Variants in GRB10 observed in about 807,000 individuals in gnomAD.
GRB10 encodes the protein growth factor receptor bound protein 10.
In GRB10, 20 loss-of-function variants were observed where a neutral mutation model predicts 80.9. The observed-to-expected ratio is 0.25, with a 90% CI of 0.17 to 0.36. GRB10 has a LOEUF of 0.36. Among genes scored for constraint, GRB10 ranks in the 10% least tolerant of loss-of-function variants. The pLI, the probability that GRB10 is intolerant of heterozygous loss-of-function variation, is 1.00. For missense variants in GRB10, 548 were observed against 747.7 expected, an observed-to-expected ratio of 0.73 and a Z score of 3.12; for synonymous variants, 291 against 291.5, an observed-to-expected ratio of 1.00 and a Z score of 0.02.
intron 2 of GRB10, among the ~76,000 whole-genome samples, chr7:50,772,268 C>T (rs536865880): frequency 1.3e-5 from 2 of 152,226 alleles, no homozygotes; most frequent in East Asian, 3.8e-4. Context: ...GAAAGGTGAA[C>T]TGACGCCACA....
intron 7 of GRB10, among the ~76,000 whole-genome samples, chr7:50,659,272 C>T (rs982442809): frequency 6.6e-6 from 1 of 152,118 alleles, no homozygotes; most frequent in Non-Finnish European, 1.5e-5. Context: ...GGCTTTTTCC[C>T]CCTCAGGACA....
chr7:50,604,870 AG>A (rs1378241796), intron 15 of GRB10: 1 of 290,586 alleles, frequency 3.4e-6, no homozygotes, highest in East Asian at 8.9e-5. Flanking sequence ...CTGGAGATTA[AG>A]AACCTAAGCC....
At chr7:50,686,940 T>C (rs1408364002) in intron 5 of GRB10, among the ~76,000 whole-genome samples, 2 of 152,244 alleles carry the variant, frequency 1.3e-5, no homozygotes, top group Non-Finnish European at 2.9e-5. Flanking sequence ...TTTATTTAGA[T>C]ACCTTCCTTT....
At chr7:50,730,983 G>A (rs1289225938) in intron 4 of GRB10, among the ~76,000 whole-genome samples, 2 of 152,168 alleles carry the variant, frequency 1.3e-5, no homozygotes, top group African/African-American at 2.4e-5. Context: ...GTCGGGCCCG[G>A]ACAACTAGCT....
chr7:50,640,750 A>C (rs971395598), intron 7 of GRB10, among the ~76,000 whole-genome samples: 1 of 152,220 alleles, frequency 6.6e-6, no homozygotes, highest in African/African-American at 2.4e-5. Context: ...GACCTCATCC[A>C]TGATATCCAG....
chr7:50,656,271 A>G (rs2058636889), intron 7 of GRB10, among the ~76,000 whole-genome samples: 1 of 152,190 alleles, frequency 6.6e-6, no homozygotes, highest in Admixed American at 6.5e-5. Flanking sequence ...CTTGCTTGCT[A>G]TCGGTCACTC....
At chr7:50,656,449 A>G (rs906586034) in intron 7 of GRB10, among the ~76,000 whole-genome samples, 5 of 152,252 alleles carry the variant, frequency 3.3e-5, no homozygotes, top group Non-Finnish European at 5.9e-5. Flanking sequence ...GTGACTATGC[A>G]GTAGCCTATG....
chr7:50,739,057 C>T (rs7782797), intron 3 of GRB10, among the ~76,000 whole-genome samples: 1 of 151,962 alleles, frequency 6.6e-6, no homozygotes, highest in Non-Finnish European at 1.5e-5. Flanking sequence ...TCAGAAAAAT[C>T]GTTCAAGCAG....
intron 4 of GRB10, among the ~76,000 whole-genome samples, chr7:50,709,200 G>A (rs1052570723): frequency 1.3e-5 from 2 of 152,188 alleles, no homozygotes; most frequent in African/African-American, 2.4e-5. Context: ...AGATGAACAC[G>A]AGAAGCCCTC....
At chr7:50,699,996 G>A (rs186437308) in intron 5 of GRB10, among the ~76,000 whole-genome samples, 35 of 152,002 alleles carry the variant, frequency 2.3e-4, no homozygotes, top group Admixed American at 1.2e-3. Flanking sequence ...AAAATTAGCC[G>A]GGCGTGGTGG....
chr7:50,643,290 C>T (rs2056619054), intron 7 of GRB10, among the ~76,000 whole-genome samples: 1 of 152,130 alleles, frequency 6.6e-6, no homozygotes, highest in South Asian at 2.1e-4. Flanking sequence ...ACAGACAACA[C>T]CCTAATCAAG....
At chr7:50,741,575 A>AC (rs2071756558) in intron 3 of GRB10, among the ~76,000 whole-genome samples, 1 of 151,444 alleles carries the variant, frequency 6.6e-6, no homozygotes, top group Non-Finnish European at 1.5e-5. Flanking sequence ...AAAAAAAAAA[A>AC]CGAAGGCACT....
At chr7:50,656,337 G>A (rs554360222) in intron 7 of GRB10, among the ~76,000 whole-genome samples, 8 of 152,276 alleles carry the variant, frequency 5.3e-5, no homozygotes, top group African/African-American at 1.4e-4. Flanking sequence ...GGGAGGCAGC[G>A]GCAGTGAGCT....
intron 5 of GRB10, among the ~76,000 whole-genome samples, chr7:50,692,932 A>T (rs995352550): frequency 9.2e-5 from 14 of 152,178 alleles, no homozygotes; most frequent in African/African-American, 3.4e-4. Context: ...TGGGCAAGTT[A>T]TCAAACCTCT....
intron 4 of GRB10, among the ~76,000 whole-genome samples, chr7:50,718,596 C>A (rs1055247398): frequency 2.0e-5 from 3 of 152,128 alleles, no homozygotes; most frequent in African/African-American, 7.2e-5. Context: ...GGTCTTAAAC[C>A]CGCACTCTAC....
intron 5 of GRB10, among the ~76,000 whole-genome samples, chr7:50,702,596 C>CGTG (rs1310762607): frequency 6.6e-6 from 1 of 152,152 alleles, no homozygotes; most frequent in Non-Finnish European, 1.5e-5. Context: ...AACATAGTGA[C>CGTG]GTGTTCATCC....
At chr7:50,595,103 T>C (rs549529087) in intron 18 of GRB10, among the ~76,000 whole-genome samples, 3 of 152,026 alleles carry the variant, frequency 2.0e-5, no homozygotes, top group East Asian at 3.9e-4. Flanking sequence ...TTCCCATCAG[T>C]ACCCTTTCAG....
chr7:50,613,165 A>G lies in GRB10; in HGVS notation c.1096-326T>C, dbSNP rs117591024. ...ATGTGGTAAGCACAATAGGACAAAGAGGAAGAGGCATCTAACTCTGTCGAC... is the reference window on the plus strand; with the variant it reads ...ATGTGGTAAGCACAATAGGACAAAGGGGAAGAGGCATCTAACTCTGTCGAC... On this transcript the variant is annotated intron_variant, in intron 12 of 18. Coordinates refer to ENST00000401949, the MANE Select transcript of GRB10 (RefSeq NM_001350814.2). Among the ~76,000 whole-genome samples the G allele has an allele frequency of 1.6e-4, 24 of 152,318 alleles. No individual in the cohort carries two copies. The East Asian group carries it at 4.1e-3, about 26-fold the overall frequency.
rs1309974176 is a variant in GRB10 at position 50,590,733 on chromosome 7, G to A, written c.*2219C>T. ...CCCAGCCGCCCAGCGCGAGGCCAGC[G>A]AGCTGGGGCCTTAGGAAGTCTGCCG... On this transcript the variant is annotated 3_prime_UTR_variant, in exon 19 of 19. Transcript: ENST00000401949. The A allele has an allele frequency of 6.6e-6, 1 of 152,596 alleles. No homozygotes were observed. The highest frequency in any genetic ancestry group is 2.4e-5 in the African/African-American group (1 of 41,442). The allele number at this position is 152,596 out of a possible 1,614,324, so 9.5% of individuals were successfully genotyped here.
Sources: gnomAD v4.1 joint callset for allele counts (sites outside exome capture counted in the v4.1 genomes callset) on GRCh38, gnomAD v4.1.1 for gene constraint, MANE v1.5 for transcripts, NCBI Gene and HGNC (gene_info 2026-07-23, HGNC 2026-07-21) for gene names.